PRELID2: variants seen among roughly 807,000 people sequenced by gnomAD.
PRELID2 encodes PRELI domain-containing protein 2.
Under a neutral mutation model 28.4 loss-of-function variants are expected in PRELID2, and 25 were observed. That is an observed-to-expected ratio of 0.88 (90% CI 0.64 to 1.23). The LOEUF (loss-of-function observed/expected upper bound fraction) is 1.23, where lower values mean the gene tolerates loss of function less well. Ranked by LOEUF, PRELID2 falls within the 50% of genes most tolerant of loss-of-function variation. The pLI is 0.00. For synonymous variants in PRELID2, 76 were observed against 71.6 expected, an observed-to-expected ratio of 1.06 and a Z score of -0.31; for missense variants, 201 against 214.4, an observed-to-expected ratio of 0.94 and a Z score of 0.39.
intron 1 of PRELID2, among the ~76,000 whole-genome samples, chr5:145,699,050 T>A (rs1056102671): frequency 1.3e-5 from 2 of 152,158 alleles, no homozygotes; most frequent in Admixed American, 6.5e-5. Context: ...TATACCGTCA[T>A]CACCTTGGGG....
intron 1 of PRELID2, among the ~76,000 whole-genome samples, chr5:145,561,474 G>T (rs1242034116): frequency 6.6e-6 from 1 of 152,136 alleles, no homozygotes; most frequent in Non-Finnish European, 1.5e-5. Flanking sequence ...AAATCCTGCT[G>T]TTTTCATTCA....
intron 1 of PRELID2, among the ~76,000 whole-genome samples, chr5:145,511,578 AT>A (rs933560880): frequency 1.3e-5 from 2 of 152,170 alleles, no homozygotes; most frequent in Non-Finnish European, 2.9e-5. Context: ...ATGGCCATTC[AT>A]TTCGTGGTTC....
chr5:145,266,207 C>A, the PRELID2 span, among the ~76,000 whole-genome samples: 1 of 151,946 alleles, frequency 6.6e-6, no homozygotes. Flanking sequence ...GAAGCTACTG[C>A]TACTTAGCTG....
the PRELID2 span, among the ~76,000 whole-genome samples, chr5:145,335,321 A>C: frequency 6.6e-6 from 1 of 151,688 alleles, no homozygotes; most frequent in Admixed American, 6.6e-5. Flanking sequence ...CTTTTTAATC[A>C]TTTATATCTC....
At chr5:145,571,476 A>G (rs1753014416) in intron 1 of PRELID2, among the ~76,000 whole-genome samples, 1 of 152,216 alleles carries the variant, frequency 6.6e-6, no homozygotes, top group African/African-American at 2.4e-5. Flanking sequence ...CCAGCATCAC[A>G]TGACAGATAG....
At chr5:145,807,838 T>C (rs1753619784) in intron 4 of PRELID2, among the ~76,000 whole-genome samples, 1 of 152,108 alleles carries the variant, frequency 6.6e-6, no homozygotes, top group African/African-American at 2.4e-5. Context: ...CTGTGCTACA[T>C]ACAGGGGATA....
chr5:145,619,149 G>A (rs140479559), intron 1 of PRELID2, among the ~76,000 whole-genome samples: 73 of 152,282 alleles, frequency 4.8e-4, no homozygotes, highest in Non-Finnish European at 8.7e-4. Context: ...CTTCCCCCAC[G>A]TGTGGAGTCT....
At chr5:145,620,359 T>C (rs1426160566) in intron 1 of PRELID2, among the ~76,000 whole-genome samples, 1 of 152,202 alleles carries the variant, frequency 6.6e-6, no homozygotes, top group African/African-American at 2.4e-5. Context: ...CTACAGAATG[T>C]GCAACACTAA....
At chr5:145,746,322 T>TCTCC (rs1417121326) in intron 1 of PRELID2, among the ~76,000 whole-genome samples, 3 of 151,490 alleles carry the variant, frequency 2.0e-5, no homozygotes, top group Non-Finnish European at 2.9e-5. Context: ...TGGAGGAAAA[T>TCTCC]TTACCAAGAA....
At chr5:145,405,891 G>A in the PRELID2 span, among the ~76,000 whole-genome samples, 1 of 151,800 alleles carries the variant, frequency 6.6e-6, no homozygotes. Context: ...ATTTTTAGTA[G>A]AGACGGGGTT....
At chr5:145,680,346 C>A (rs1467124198) in intron 1 of PRELID2, among the ~76,000 whole-genome samples, 1 of 152,180 alleles carries the variant, frequency 6.6e-6, no homozygotes, top group Non-Finnish European at 1.5e-5. Context: ...AACTTCAGCT[C>A]AAACACTGTG....
intron 1 of PRELID2, among the ~76,000 whole-genome samples, chr5:145,534,006 T>C (rs1752675945): frequency 6.6e-6 from 1 of 152,096 alleles, no homozygotes. Context: ...ATTATATGAC[T>C]GAGGAGATTC....
At chr5:145,555,155 G>A (rs1752869319) in intron 1 of PRELID2, among the ~76,000 whole-genome samples, 1 of 152,178 alleles carries the variant, frequency 6.6e-6, no homozygotes, top group African/African-American at 2.4e-5. Context: ...TTCTGGGCAT[G>A]ATTATTGAAG....
chr5:145,310,148 G>T, the PRELID2 span, among the ~76,000 whole-genome samples: 1 of 152,176 alleles, frequency 6.6e-6, no homozygotes, highest in East Asian at 1.9e-4. Flanking sequence ...AGAAATAAAT[G>T]TAAAGCATTT....
intron 1 of PRELID2, among the ~76,000 whole-genome samples, chr5:145,747,806 C>T (rs189988636): frequency 3.3e-5 from 5 of 152,272 alleles, no homozygotes; most frequent in African/African-American, 4.8e-5. Flanking sequence ...AAAACTTATC[C>T]GCCATGATCA....
chr5:145,587,406 A>G (rs1327340664), intron 1 of PRELID2, among the ~76,000 whole-genome samples: 1 of 152,144 alleles, frequency 6.6e-6, no homozygotes, highest in Non-Finnish European at 1.5e-5. Flanking sequence ...CAAGCATTAG[A>G]AAGATGCCGA....
chr5:145,637,521 A>G (rs1754019914), intron 1 of PRELID2, among the ~76,000 whole-genome samples: 1 of 152,220 alleles, frequency 6.6e-6, no homozygotes, highest in South Asian at 2.1e-4. Flanking sequence ...AAAAAAAAAA[A>G]AGAAAAGCAT....
Position 145,650,598 on chromosome 5 carries a change from T to G in PRELID2, n.70+114333A>C, listed in dbSNP as rs545469099. Among the ~76,000 whole-genome samples, 584 of 141,306 alleles carry G rather than the reference T, an allele frequency of 4.1e-3. 2 individuals carry two copies. Among genetic ancestry groups the G allele is most frequent in the Middle Eastern group, 0.019 (5 of 266 alleles). 92.7% of individuals were successfully genotyped at this position (141,306 alleles called of 152,430 possible). On this transcript the variant is annotated intron_variant and non_coding_transcript_variant, in intron 1 of 2. Coordinates refer to the PRELID2 transcript ENST00000510259. Reference sequence around the variant, plus strand: ...TATAGACTAAAATATTTTTTTTAATTTGGTTAAAATCTATTCAGTCATTTT... The same window carrying G: ...TATAGACTAAAATATTTTTTTTAATGTGGTTAAAATCTATTCAGTCATTTT...
downstream of PRELID2, among the ~76,000 whole-genome samples, chr5:145,470,674 C>T (rs886243312): frequency 6.6e-6 from 1 of 152,100 alleles, no homozygotes; most frequent in Non-Finnish European, 1.5e-5. Flanking sequence ...CCCTAAATCA[C>T]TTAGCATGAT....
Sources: allele counts gnomAD v4.1 joint callset (sites outside exome capture counted in the v4.1 genomes callset), GRCh38; gene constraint gnomAD v4.1.1; transcripts MANE v1.5; gene names NCBI Gene and HGNC (gene_info 2026-07-23, HGNC 2026-07-21).